Variants in ZC3H12B observed in about 807,000 individuals in gnomAD.
ZC3H12B encodes the protein probable ribonuclease ZC3H12B.
A neutral mutation model predicts 43.9 loss-of-function variants in ZC3H12B; 7 were observed. The observed-to-expected ratio is 0.16, with a 90% confidence interval of 0.09 to 0.30. ZC3H12B has a LOEUF of 0.30. Ranked by LOEUF, ZC3H12B falls within the 10% of genes least tolerant of loss-of-function variation. The probability of loss-of-function intolerance (pLI) is 1.00; values close to 1 mark genes in which losing one functional copy is unlikely to be tolerated. For synonymous variants in ZC3H12B, 222 were observed against 241.7 expected, an observed-to-expected ratio of 0.92 and a Z score of 0.76; for missense variants, 475 against 670.2, an observed-to-expected ratio of 0.71 and a Z score of 3.22.
At chrX:65,035,189 C>G in the ZC3H12B span, among the ~76,000 whole-genome samples, 3 of 112,114 alleles carry the variant, frequency 2.7e-5, no homozygotes, top group Non-Finnish European at 5.7e-5. Context: ...GAGCCCACCC[C>G]CTGCGGCGGG....
Position 65,400,302 on chromosome X carries a change from A to G in ZC3H12B, n.407+1598A>G, listed in dbSNP as rs1344155599. ...CTATGAGAAACTGGCTTATGCATAG[A>G]CAACTCAGAGAATTTTAGAAATCAG... On this transcript the variant is annotated intron_variant and non_coding_transcript_variant, in intron 3 of 5. Transcript: ENST00000617377. Among the ~76,000 whole-genome samples, 84 of 111,569 alleles carry G rather than the reference A, an allele frequency of 7.5e-4. 2 individuals are homozygous for G. In the Admixed American group the frequency reaches 8.0e-3, roughly 11 times the overall value.
chrX:65,458,345 T>G (rs2067667981), intron 3 of ZC3H12B, among the ~76,000 whole-genome samples: 2 of 111,133 alleles, frequency 1.8e-5, no homozygotes, highest in Non-Finnish European at 3.8e-5. Context: ...AACTCAGCTC[T>G]GCACGAAGCA....
At chrX:65,202,350 A>G in the ZC3H12B span, among the ~76,000 whole-genome samples, 4 of 107,286 alleles carry the variant, frequency 3.7e-5, no homozygotes, top group East Asian at 8.7e-4. Flanking sequence ...TTCACTGTCT[A>G]GTATTGTTTG....
the ZC3H12B span, among the ~76,000 whole-genome samples, chrX:65,217,335 G>T: frequency 4.5e-5 from 5 of 111,661 alleles, no homozygotes; most frequent in East Asian, 1.4e-3. Flanking sequence ...CTCTCAAGAA[G>T]TACGGCTACA....
At chrX:65,182,269 G>A in the ZC3H12B span, among the ~76,000 whole-genome samples, 35 of 110,905 alleles carry the variant, frequency 3.2e-4, no homozygotes, top group Non-Finnish European at 5.5e-4. Flanking sequence ...GGGGCAAGGG[G>A]AGGGAGAGCA....
the ZC3H12B span, among the ~76,000 whole-genome samples, chrX:65,256,719 AAAACCAC>A: frequency 8.9e-6 from 1 of 111,968 alleles, no homozygotes; most frequent in African/African-American, 3.2e-5. Flanking sequence ...TGAGACATGA[AAAACCAC>A]ACAAAAGATT....
the ZC3H12B span, among the ~76,000 whole-genome samples, chrX:65,178,821 A>G: frequency 6.5e-4 from 73 of 112,009 alleles, no homozygotes; most frequent in African/African-American, 2.1e-3. Context: ...TGGGAGTGTA[A>G]ATTAGTTCAA....
upstream of ZC3H12B, among the ~76,000 whole-genome samples, chrX:65,362,533 C>T (rs1330590522): frequency 9.1e-6 from 1 of 110,460 alleles, no homozygotes; most frequent in Non-Finnish European, 1.9e-5. Flanking sequence ...TCATTGCTGC[C>T]CTTTTCCCCA....
At chrX:65,471,615 T>C (rs939737445) in intron 3 of ZC3H12B, among the ~76,000 whole-genome samples, 1 of 108,869 alleles carries the variant, frequency 9.2e-6, no homozygotes, top group African/African-American at 3.3e-5. Context: ...CATGCCTGGC[T>C]AGTTTTTATA....
chrX:65,374,089 A>ACAG (rs2066307842), intron 2 of ZC3H12B, among the ~76,000 whole-genome samples: 1 of 55,563 alleles, frequency 1.8e-5, no homozygotes, highest in Non-Finnish European at 2.5e-5. Context: ...TATATATAGT[A>ACAG]TATATATAAC....
At chrX:65,161,965 G>C in the ZC3H12B span, among the ~76,000 whole-genome samples, 1 of 111,497 alleles carries the variant, frequency 9.0e-6, no homozygotes, top group Non-Finnish European at 1.9e-5. Context: ...AGGCCTGGTG[G>C]TGACAAAATC....
At chrX:65,324,435 A>C in the ZC3H12B span, among the ~76,000 whole-genome samples, 1 of 111,108 alleles carries the variant, frequency 9.0e-6, no homozygotes. Flanking sequence ...TCATGTGAGC[A>C]TTTATTATAA....
chrX:65,114,218 CTTGTACTG>C, the ZC3H12B span, among the ~76,000 whole-genome samples: 1 of 106,503 alleles, frequency 9.4e-6, no homozygotes, highest in Non-Finnish European at 1.9e-5. Flanking sequence ...CTGCAGTTTT[CTTGTACTG>C]TTTTTTTGTT....
chrX:65,194,947 G>T, the ZC3H12B span, among the ~76,000 whole-genome samples: 1 of 111,548 alleles, frequency 9.0e-6, no homozygotes, highest in Non-Finnish European at 1.9e-5. Flanking sequence ...TGTAGTTTTT[G>T]TCTTGAAATT....
chrX:65,379,008 C>A (rs2066393129), intron 2 of ZC3H12B, among the ~76,000 whole-genome samples: 1 of 112,310 alleles, frequency 8.9e-6, no homozygotes, highest in Non-Finnish European at 1.9e-5. Flanking sequence ...GATCAAACTG[C>A]AAGGCAGCAG....
the ZC3H12B span, among the ~76,000 whole-genome samples, chrX:65,127,648 G>T: frequency 9.0e-6 from 1 of 111,037 alleles, no homozygotes; most frequent in Non-Finnish European, 1.9e-5. Context: ...CCTGGTTGTG[G>T]CAGGGATAGG....
the ZC3H12B span, among the ~76,000 whole-genome samples, chrX:65,285,500 C>T: frequency 9.0e-6 from 1 of 111,013 alleles, no homozygotes; most frequent in Non-Finnish European, 1.9e-5. Context: ...AAAAGTAAAC[C>T]CCATCAGACT....
At chrX:65,054,562 C>T in the ZC3H12B span, among the ~76,000 whole-genome samples, 1 of 111,675 alleles carries the variant, frequency 9.0e-6, no homozygotes, top group Non-Finnish European at 1.9e-5. Context: ...GTTGAATTGG[C>T]AATGCGGGCT....
chrX:65,158,468 C>A, the ZC3H12B span, among the ~76,000 whole-genome samples: 3 of 111,980 alleles, frequency 2.7e-5, no homozygotes, highest in East Asian at 5.6e-4. Flanking sequence ...GTCATTCTAA[C>A]TGGTGTGAGA....
Sources: gnomAD v4.1 joint callset for allele counts (sites outside exome capture counted in the v4.1 genomes callset) on GRCh38, gnomAD v4.1.1 for gene constraint, MANE v1.5 for transcripts, NCBI Gene and HGNC (gene_info 2026-07-23, HGNC 2026-07-21) for gene names.